TPD52: variants seen among roughly 807,000 people sequenced by gnomAD.
TPD52 encodes prostate and colon associated protein.
Under a neutral mutation model 31.3 loss-of-function variants are expected in TPD52, and 17 were observed. That is an observed-to-expected ratio of 0.54 (90% CI 0.37 to 0.82). The LOEUF (loss-of-function observed/expected upper bound fraction) is 0.82, where lower values mean the gene tolerates loss of function less well. Ranked by LOEUF, TPD52 falls within the 40% of genes least tolerant of loss-of-function variation. The pLI is 0.00. For missense variants in TPD52, 212 were observed against 240.1 expected (o/e 0.88, Z 0.77); for synonymous variants, 83 against 89.6 (o/e 0.93, Z 0.42).
chr8:80,048,035 G>A lies in TPD52; in HGVS notation c.413+2410C>T, dbSNP rs1448988733. On this transcript the variant is annotated intron_variant, in intron 5 of 7. Transcript: ENST00000518937. The stretch of plus-strand genomic sequence containing the variant: ...GTTTCCCTCAAAATGCTAAAGGCAT[G>A]AGTCAATACTTTCACATAGGCATAG... Among the ~76,000 whole-genome samples, 3 of 152,160 alleles carry A rather than the reference G, an allele frequency of 2.0e-5. No homozygotes were observed. In the East Asian group the frequency reaches 5.8e-4, roughly 29 times the overall value.
chr8:80,122,929 G>A (rs1277167071), intron 1 of TPD52: 1 of 152,296 alleles, frequency 6.6e-6, no homozygotes, highest in South Asian at 2.1e-4. Context: ...TCACTGCTAG[G>A]CTGAGAATTC....
intron 1 of TPD52, among the ~76,000 whole-genome samples, chr8:80,114,436 G>T (rs570435959): frequency 6.6e-6 from 1 of 151,742 alleles, no homozygotes; most frequent in African/African-American, 2.4e-5. Context: ...TTTTTTTTCT[G>T]GTTTATTTTG....
intron 1 of TPD52, among the ~76,000 whole-genome samples, chr8:80,117,418 A>G (rs1490676308): frequency 1.3e-5 from 2 of 152,236 alleles, no homozygotes; most frequent in Non-Finnish European, 2.9e-5. Flanking sequence ...AATACATTTA[A>G]TAAGAGAATT....
At chr8:80,045,330 G>T (rs937267005) in intron 5 of TPD52, among the ~76,000 whole-genome samples, 2 of 152,134 alleles carry the variant, frequency 1.3e-5, no homozygotes, top group African/African-American at 4.8e-5. Flanking sequence ...AAGCTGCCTG[G>T]AATAGTCACA....
intron 4 of TPD52, 27 bp from the exon 5 acceptor site, chr8:80,050,498 AAAAG>A (rs1811259985): frequency 6.3e-7 from 1 of 1,591,916 alleles, no homozygotes; most frequent in East Asian, 2.3e-5. Context: ...TAAGCATTAA[AAAAG>A]AAAGAAGTTC....
At chr8:80,089,558 A>T (rs967073878) in intron 1 of TPD52, among the ~76,000 whole-genome samples, 1 of 152,186 alleles carries the variant, frequency 6.6e-6, no homozygotes, top group Non-Finnish European at 1.5e-5. Context: ...TCAAAAAAAA[A>T]TTTGAAGAGA....
At chr8:80,147,915 A>T (rs917993485) in intron 1 of TPD52, among the ~76,000 whole-genome samples, 5 of 152,054 alleles carry the variant, frequency 3.3e-5, no homozygotes, top group Non-Finnish European at 5.9e-5. Flanking sequence ...GAAATCAACC[A>T]TTACTGCCAA....
At chr8:80,102,941 T>C (rs1025473809) in intron 1 of TPD52, among the ~76,000 whole-genome samples, 2 of 152,168 alleles carry the variant, frequency 1.3e-5, no homozygotes, top group Admixed American at 6.5e-5. Context: ...TTCTGGGAGC[T>C]TCCAGATGGC....
At position 80,137,664 on chromosome 8, in the gene TPD52, A is replaced by G. The variant is rs956006359; in HGVS notation, c.19+33761T>C. On this transcript the variant is annotated intron_variant, in intron 1 of 7. Coordinates refer to ENST00000518937, the MANE Select transcript of TPD52 (RefSeq NM_001025253.3). ...TTGCTTTGAACATGTATTATTTTTC[A>G]TAAGTATGAAAATAAGATGGGTGGA... Among the ~76,000 whole-genome samples, 23 of 152,324 alleles carry G rather than the reference A, an allele frequency of 1.5e-4. No individual in the cohort carries two copies. The East Asian group carries it at 2.1e-3, about 14-fold the overall frequency.
rs1385222155 is a variant in TPD52, at chr8:80,094,428, TTTTATATATATATA to T, written c.20-29849_20-29836del. Among the ~76,000 whole-genome samples, 103 of 69,122 alleles carry T rather than the reference TTTTATATATATATA, an allele frequency of 1.5e-3. 2 individuals carry two copies. The highest frequency in any genetic ancestry group is 2.0e-3 in the African/African-American group (46 of 23,442). The allele number at this position is 69,122 out of a possible 152,430, so 45.3% of individuals were successfully genotyped here. On this transcript the variant is annotated intron_variant, in intron 1 of 7. Transcript: ENST00000518937. Reference sequence around the variant, plus strand: ...TGACTAAGTTCTAGACAAAAGAAAATTTTATATATATATATATATATATATATATATATATATAT... The same window carrying T: ...TGACTAAGTTCTAGACAAAAGAAAATTATATATATATATATATATATATAT...
At chr8:80,137,419 ATT>A (rs11349154) in intron 1 of TPD52, among the ~76,000 whole-genome samples, 1 of 151,224 alleles carries the variant, frequency 6.6e-6, no homozygotes, top group East Asian at 1.9e-4. Context: ...TATATGTTAG[ATT>A]TTTTTTTTAA....
chr8:80,053,531 T>C, intron 2 of TPD52, 101 bp from the exon 3 acceptor site: 2 of 1,255,362 alleles, frequency 1.6e-6, no homozygotes, highest in Non-Finnish European at 2.2e-6. Context: ...ATTAAACATT[T>C]TTTTGAATCA....
chr8:80,127,303 G>C (rs1808686103), intron 1 of TPD52, among the ~76,000 whole-genome samples: 4 of 152,078 alleles, frequency 2.6e-5, no homozygotes, highest in Admixed American at 2.0e-4. Flanking sequence ...GAATATTTTT[G>C]ATGGATTATC....
intron 7 of TPD52, among the ~76,000 whole-genome samples, chr8:80,040,264 T>C (rs1052219225): frequency 7.0e-6 from 1 of 143,024 alleles, no homozygotes; most frequent in Admixed American, 7.3e-5. Context: ...GCATAATCGC[T>C]GCTCACTCTG....
At chr8:80,165,181 C>G (rs1173519677) in intron 1 of TPD52, among the ~76,000 whole-genome samples, 2 of 152,122 alleles carry the variant, frequency 1.3e-5, no homozygotes, top group Non-Finnish European at 2.9e-5. Context: ...CATTTTTCCC[C>G]TATAAGACAA....
chr8:80,080,495 A>T (rs1362550402), intron 1 of TPD52: 1 of 1,608,956 alleles, frequency 6.2e-7, no homozygotes, highest in Non-Finnish European at 8.5e-7. Flanking sequence ...ATCGCCTGAT[A>T]TCAGCCTTCA....
At chr8:80,139,424 T>C (rs552835597) in intron 1 of TPD52, among the ~76,000 whole-genome samples, 2 of 151,816 alleles carry the variant, frequency 1.3e-5, no homozygotes, top group South Asian at 4.2e-4. Flanking sequence ...AAAAAAAAAA[T>C]TTTTTCAGAG....
chr8:80,095,741 C>G (rs902543850), intron 1 of TPD52, among the ~76,000 whole-genome samples: 8 of 151,912 alleles, frequency 5.3e-5, no homozygotes, highest in African/African-American at 1.7e-4. Context: ...GTCAAAAGAT[C>G]GAGACCATCC....
intron 1 of TPD52, among the ~76,000 whole-genome samples, chr8:80,152,231 T>G (rs993675370): frequency 6.6e-6 from 1 of 151,856 alleles, no homozygotes; most frequent in African/African-American, 2.4e-5. Context: ...TACCCACAGG[T>G]AGAGAGCTGA....
Sources: gnomAD v4.1 joint callset for allele counts (sites outside exome capture counted in the v4.1 genomes callset) on GRCh38, gnomAD v4.1.1 for gene constraint, MANE v1.5 for transcripts, NCBI Gene and HGNC (gene_info 2026-07-23, HGNC 2026-07-21) for gene names.